The following CADM4 variants were observed in gnomAD, a reference collection of about 807,000 sequenced individuals.
The protein encoded by CADM4 is cell adhesion molecule 4, also known as TSLC1-like 2.
In CADM4, 13 loss-of-function variants were observed where a neutral mutation model predicts 43.9. That is an observed-to-expected ratio of 0.30 (90% CI 0.19 to 0.47). The LOEUF (loss-of-function observed/expected upper bound fraction) is 0.47. CADM4 is among the 20% of genes least tolerant of loss of function. The probability of loss-of-function intolerance (pLI) is 1.00; values close to 1 mark genes in which losing one functional copy is unlikely to be tolerated. For missense variants in CADM4, 420 were observed against 527.0 expected, an observed-to-expected ratio of 0.80 and a Z score of 1.99; for synonymous variants, 209 against 220.9, an observed-to-expected ratio of 0.95 and a Z score of 0.48.
rs904275777 is a variant in CADM4, at chr19:43,624,122, C to T, written c.1049G>A (p.Arg350Gln). The T allele has an allele frequency of 1.9e-6, 3 of 1,614,076 alleles. No homozygotes were observed. Among genetic ancestry groups the T allele is most frequent in the African/African-American group, 2.7e-5 (2 of 74,934 alleles). Residue 350 changes from arginine (R) to glutamine (Q), a missense_variant, in exon 8 of 9, where the codon CGG becomes CAG. Arg to Gln is a conservative substitution (Grantham distance 43). Coordinates refer to ENST00000222374, the MANE Select transcript of CADM4 (RefSeq NM_145296.2). ...GGCCCCGTCCCACTCACCCTTCTGC[C>T]GTACCGAGCACCAGACCATGCCCAC... ...VLVGMVWCSV[R>Q]QKGSYLTHEA...
chr19:43,629,734 T>G (rs1280030893), intron 1 of CADM4, among the ~76,000 whole-genome samples: 1 of 151,914 alleles, frequency 6.6e-6, no homozygotes, highest in Non-Finnish European at 1.5e-5. Context: ...TTCTTCAGCC[T>G]CAGCCTCCCA....
Position 43,625,046 on chromosome 19 carries a change from C to G in CADM4, c.928+32G>C. 4.8e-6 allele frequency: 7 copies of G among 1,460,234 alleles called. No individual in the cohort carries two copies. Among genetic ancestry groups the G allele is most frequent in the Non-Finnish European group, 6.3e-6 (7 of 1,103,220 alleles). The allele number at this position is 1,460,234 out of a possible 1,614,324, so 90.5% of individuals were successfully genotyped here. A position where few individuals can be genotyped will look rare whatever the true frequency, so the allele number is the denominator to read the frequency against. Reference sequence around the variant, plus strand: ...CGCCCCCGCCACCTGGCGCCCCGCCCCCGCCCTCAGTCGGCCGCAGCCTGC... The same window carrying G: ...CGCCCCCGCCACCTGGCGCCCCGCCGCCGCCCTCAGTCGGCCGCAGCCTGC... On this transcript the variant is annotated intron_variant, in intron 7 of 8. Transcript: ENST00000222374. This position sits in a 1 kb window ranked among gnomAD's most constrained non-coding sequence, Gnocchi z 4.5.
Position 43,623,291 on chromosome 19 carries a change from C to G in CADM4, c.*39G>C. Reference sequence around the variant, plus strand: ...TTGCAGCTGGCAGTGGGGGGGACCCCAGCCCAGGCCCAGGCCTAGGCCTGG... The same window carrying G: ...TTGCAGCTGGCAGTGGGGGGGACCCGAGCCCAGGCCCAGGCCTAGGCCTGG... On this transcript the variant is annotated 3_prime_UTR_variant, in exon 9 of 9. Transcript: ENST00000222374. This position sits in a 1 kb window ranked among gnomAD's most constrained non-coding sequence, Gnocchi z 4.4. 6.6e-7 allele frequency: 1 copy of G among 1,526,566 alleles called. No individual in the cohort carries two copies. Among genetic ancestry groups the G allele is most frequent in the Non-Finnish European group, 9.1e-7 (1 of 1,102,758 alleles). 94.6% of individuals were successfully genotyped at this position (1,526,566 alleles called of 1,614,324 possible).
intron 1 of CADM4, among the ~76,000 whole-genome samples, chr19:43,628,742 T>TA (rs1368958298): frequency 1.3e-5 from 2 of 152,216 alleles, no homozygotes; most frequent in East Asian, 1.9e-4. Flanking sequence ...ACTCCTGCCC[T>TA]AAGACTGTTG....
chr19:43,629,892 C>T (rs999569483), intron 1 of CADM4, among the ~76,000 whole-genome samples: 23 of 151,782 alleles, frequency 1.5e-4, no homozygotes, highest in African/African-American at 4.4e-4. Context: ...CCAGGGATTA[C>T]AGGTGCGACC....
At chr19:43,639,900 G>T (rs1185066142), upstream of CADM4, 1 of 839,698 alleles carries the variant, frequency 1.2e-6, no homozygotes, top group African/African-American at 1.9e-5. Flanking sequence ...GGGGCGGGGC[G>T]CCGAGGCCGG....
chr19:43,630,281 CTTTTTTTTTT>C (rs59489315), intron 1 of CADM4, among the ~76,000 whole-genome samples: 821 of 73,456 alleles, frequency 0.011, 19 homozygotes, highest in African/African-American at 0.047. Context: ...TTTTTCTTTT[CTTTTTTTTTT>C]TTTTTTTTTT....
chr19:43,623,883 G>A lies in CADM4; in HGVS notation c.1057+231C>T, dbSNP rs923282358. On this transcript the variant is annotated intron_variant, in intron 8 of 8. Coordinates refer to ENST00000222374, the MANE Select transcript of CADM4 (RefSeq NM_145296.2). The surrounding 1 kb of genome is among the most constrained non-coding windows in gnomAD (Gnocchi z 4.4). Reference sequence around the variant, plus strand: ...CCCAACGTGCTGGGATTACAGGCGTGAGCCACCGCGCCCAACCGCAAATCT... The same window carrying A: ...CCCAACGTGCTGGGATTACAGGCGTAAGCCACCGCGCCCAACCGCAAATCT... Among the ~76,000 whole-genome samples the A allele has an allele frequency of 3.9e-5, 6 of 152,158 alleles. No individual in the cohort carries two copies. The highest frequency in any genetic ancestry group is 7.2e-5 in the African/African-American group (3 of 41,418).
Position 43,627,720 on chromosome 19 carries a change from A to T in CADM4, c.135T>A (p.Arg45=). 1 of 1,614,074 alleles carries T rather than the reference A, an allele frequency of 6.2e-7. No individual in the cohort carries two copies. The highest frequency in any genetic ancestry group is 8.5e-7 in the Non-Finnish European group (1 of 1,179,980). The change falls in exon 2 of 9, where the codon CGT becomes CGA. Residue 45 remains arginine (R), a synonymous_variant. Transcript: ENST00000222374. The surrounding 1 kb of genome is among the most constrained non-coding windows in gnomAD (Gnocchi z 4.0). ...CTATGGACCCATCATACTGGTGCAG[A>T]CGGCAGGTGATCTCAGCCACCCCAC... is the stretch of plus-strand genomic sequence containing the variant. ...AEGGVAEITC[R]LHQYDGSIVV...
chr19:43,631,136 T>A (rs1012371902), intron 1 of CADM4, among the ~76,000 whole-genome samples: 3 of 151,828 alleles, frequency 2.0e-5, no homozygotes, highest in Non-Finnish European at 4.4e-5. Flanking sequence ...AGGTCAGGAG[T>A]TCGAGACCAG....
At chr19:43,641,055 G>T (rs1470659075), upstream of CADM4, among the ~76,000 whole-genome samples, 1 of 145,382 alleles carries the variant, frequency 6.9e-6, no homozygotes, top group Non-Finnish European at 1.5e-5. Context: ...TGCAACCTCT[G>T]CCTCCCAGGT....
At chr19:43,634,349 C>T (rs1001771885) in intron 1 of CADM4, among the ~76,000 whole-genome samples, 3 of 152,270 alleles carry the variant, frequency 2.0e-5, no homozygotes, top group Admixed American at 6.5e-5. Flanking sequence ...AGTGCTAGCC[C>T]CCCATTTTAC....
At position 43,626,862 on chromosome 19, in the gene CADM4, C is replaced by T. The variant is rs1441288685; in HGVS notation, c.421G>A (p.Val141Met). 1 of 1,610,290 alleles carries T rather than the reference C, an allele frequency of 6.2e-7. No homozygotes were observed. The highest frequency in any genetic ancestry group is 8.5e-7 in the Non-Finnish European group (1 of 1,179,050). ...VREQAVEGGE[V>M]ELSCLVPRSR... Reference sequence around the variant, plus strand: ...CGCGGAACGAGGCAGCTGAGCTCCACCTCGCCGCCCTCTACCGCCTGCTCC... The same window carrying T: ...CGCGGAACGAGGCAGCTGAGCTCCATCTCGCCGCCCTCTACCGCCTGCTCC... Residue 141 changes from valine to methionine, a missense_variant, in exon 4 of 9, where the codon GTG becomes ATG. By Grantham distance (21) the Val-to-Met change is conservative. Transcript: ENST00000222374. The surrounding 1 kb of genome is among the most constrained non-coding windows in gnomAD (Gnocchi z 5.9).
chr19:43,626,703 T>C lies in CADM4; in HGVS notation c.499+81A>G, dbSNP rs891884920. On this transcript the variant is annotated intron_variant, in intron 4 of 8. Transcript: ENST00000222374. This position sits in a 1 kb window ranked among gnomAD's most constrained non-coding sequence, Gnocchi z 5.9. ...TGAATGTCCAGTGTCTGTGAAAACC[T>C]GTGGCTCCTCTCCACATATAAACAA... 4.8e-6 allele frequency: 7 copies of C among 1,467,186 alleles called. No individual in the cohort carries two copies. The highest frequency in any genetic ancestry group is 1.8e-4 in the Middle Eastern group (1 of 5,440). 90.9% of individuals were successfully genotyped at this position (1,467,186 alleles called of 1,614,324 possible). A position where few individuals can be genotyped will look rare whatever the true frequency, so the allele number is the denominator to read the frequency against.
At chr19:43,640,999 C>T (rs555412568), upstream of CADM4, among the ~76,000 whole-genome samples, 36 of 145,334 alleles carry the variant, frequency 2.5e-4, no homozygotes, top group African/African-American at 7.8e-4. Flanking sequence ...GACGGAGTCT[C>T]GCTCTGTTGC....
chr19:43,639,819 G>GCTCC lies in CADM4; in HGVS notation c.-33_-30dup. On this transcript the variant is annotated 5_prime_UTR_variant, in exon 1 of 9. Coordinates refer to ENST00000222374, the MANE Select transcript of CADM4 (RefSeq NM_145296.2). The stretch of plus-strand genomic sequence containing the variant: ...GCCGCCGCCGCCGCCGCCGCCGCTC[G>GCTCC]CTCCCGGCCCGGCACCTGCACCGCC... The GCTCC allele has an allele frequency of 1.0e-6, 1 of 992,928 alleles. No homozygotes were observed. Among genetic ancestry groups the GCTCC allele is most frequent in the South Asian group, 4.4e-5 (1 of 22,500 alleles). The allele number at this position is 992,928 out of a possible 1,614,324, so 61.5% of individuals were successfully genotyped here. A position where few individuals can be genotyped will look rare whatever the true frequency, so the allele number is the denominator to read the frequency against.
intron 1 of CADM4, among the ~76,000 whole-genome samples, chr19:43,628,031 C>G (rs1880277042): frequency 6.6e-6 from 1 of 152,118 alleles, no homozygotes. Flanking sequence ...ACAGGGCACA[C>G]TAGGAGCCCA....
intron 1 of CADM4, among the ~76,000 whole-genome samples, chr19:43,637,114 C>G (rs991047306): frequency 1.1e-4 from 16 of 152,168 alleles, no homozygotes; most frequent in Admixed American, 8.5e-4. Context: ...CTTGCTTTCT[C>G]TCCTCTGCCC....
At position 43,630,281 on chromosome 19, in the gene CADM4, C is replaced by CTTTTTTTTTTTTTT. The variant is rs59489315; in HGVS notation, c.65-2505_65-2492dup. Among the ~76,000 whole-genome samples the CTTTTTTTTTTTTTT allele has an allele frequency of 1.7e-3, 127 of 73,402 alleles. 2 individuals carry two copies. Among genetic ancestry groups the CTTTTTTTTTTTTTT allele is most frequent in the Non-Finnish European group, 2.3e-3 (96 of 41,298 alleles). 48.2% of individuals were successfully genotyped at this position (73,402 alleles called of 152,430 possible). A position where few individuals can be genotyped will look rare whatever the true frequency, so the allele number is the denominator to read the frequency against. On this transcript the variant is annotated intron_variant, in intron 1 of 8. Coordinates refer to ENST00000222374, the MANE Select transcript of CADM4 (RefSeq NM_145296.2). ...TTTCCCCCATTTCCATTTTTCTTTT[C>CTTTTTTTTTTTTTT]TTTTTTTTTTTTTTTTTTTTTTGAG...
Sources: gnomAD v4.1 joint callset for allele counts (sites outside exome capture counted in the v4.1 genomes callset) on GRCh38, gnomAD v4.1.1 for gene constraint, Gnocchi (gnomAD v3.1) non-coding constraint, MANE v1.5 for transcripts, NCBI Gene and HGNC (gene_info 2026-07-23, HGNC 2026-07-21) for gene names.